The following FAM193A variants were observed in gnomAD, a reference collection of about 807,000 sequenced individuals.
FAM193A encodes protein FAM193A.
In FAM193A, 22 loss-of-function variants were observed where a neutral mutation model predicts 126.5. The ratio of observed to expected loss-of-function variants is 0.17; its 90% CI spans 0.12 to 0.25. The LOEUF (loss-of-function observed/expected upper bound fraction) is 0.25. Among genes scored for constraint, FAM193A ranks in the 10% least tolerant of loss-of-function variants. The pLI is 1.00. For missense variants in FAM193A, 1,675 were observed against 1,672.8 expected (o/e 1.00, Z -0.02); for synonymous variants, 761 against 646.8 (o/e 1.18, Z -2.68).
rs747943112 is a variant in FAM193A, at chr4:2,659,575, A to C, written c.1407A>C (p.Ala469=). The part of the protein sequence containing the change: ...FIEEQLTNKK[A]VTGENNFTDT... ...TCCTCTAGTTAACCAATAAGAAAGC[A>C]GTTACTGGCGAGAACAACTTCACAG... The change falls in exon 9 of 21, where the codon GCA becomes GCC. Residue 469 remains alanine (A), a synonymous_variant. Transcript: ENST00000637812. 1 of 1,613,546 alleles carries C rather than the reference A, an allele frequency of 6.2e-7. No homozygotes were observed. The highest frequency in any genetic ancestry group is 1.1e-5 in the South Asian group (1 of 91,074).
At chr4:2,628,894 C>T (rs374686501) in intron 4 of FAM193A, among the ~76,000 whole-genome samples, 6 of 151,020 alleles carry the variant, frequency 4.0e-5, no homozygotes, top group South Asian at 2.1e-4. Context: ...GCTCTGTCAC[C>T]CAGGGTGGAG....
intron 1 of FAM193A, among the ~76,000 whole-genome samples, chr4:2,577,215 A>G (rs1462520370): frequency 6.6e-6 from 1 of 151,998 alleles, no homozygotes; most frequent in Non-Finnish European, 1.5e-5. Context: ...ATCATACCTT[A>G]TAAGATATTT....
intron 20 of FAM193A, 104 bp from the exon 21 acceptor site, chr4:2,731,671 G>A (rs538666254): frequency 7.2e-5 from 60 of 833,258 alleles, no homozygotes; most frequent in South Asian, 2.9e-4. Context: ...CCCTGACCCC[G>A]CAGTGAGTTT....
At chr4:2,542,481 G>A (rs1211969798) in intron 1 of FAM193A, among the ~76,000 whole-genome samples, 6 of 152,164 alleles carry the variant, frequency 3.9e-5, no homozygotes, top group African/African-American at 1.4e-4. Context: ...TAGTTTTTAA[G>A]TTTCTTTGTA....
rs376285353 is a variant in FAM193A at position 2,726,128 on chromosome 4, C to T, written c.4455-5647C>T. Among the ~76,000 whole-genome samples the T allele has an allele frequency of 5.0e-4, 76 of 152,012 alleles. 1 individual carries two copies. The highest frequency in any genetic ancestry group is 3.4e-3 in the Middle Eastern group (1 of 294). Reference sequence around the variant, plus strand: ...GTTAGCCAGGATGGTCTCGATCTCCCGACCTCGTGATCCGCCCATCTCAGC... The same window carrying T: ...GTTAGCCAGGATGGTCTCGATCTCCTGACCTCGTGATCCGCCCATCTCAGC... On this transcript the variant is annotated intron_variant, in intron 20 of 20. Coordinates refer to ENST00000637812, the MANE Select transcript of FAM193A (RefSeq NM_001366318.2).
intron 16 of FAM193A, among the ~76,000 whole-genome samples, chr4:2,694,707 G>T (rs890197362): frequency 1.3e-5 from 2 of 152,198 alleles, no homozygotes; most frequent in African/African-American, 4.8e-5. Flanking sequence ...ACGTGTTCCT[G>T]TTCAGTGGCG....
chr4:2,625,916 G>A (rs1166580816), intron 3 of FAM193A, among the ~76,000 whole-genome samples: 2 of 152,010 alleles, frequency 1.3e-5, no homozygotes, highest in African/African-American at 4.8e-5. Flanking sequence ...TAGAGATGGG[G>A]CTTCGCCATG....
chr4:2,693,886 C>T lies in FAM193A; in HGVS notation c.3092+12C>T, dbSNP rs776830944. On this transcript the variant is annotated intron_variant, in intron 16 of 20. Transcript: ENST00000637812. ...CCAAGTGTCTGCAGGTGAGCCAAGT[C>T]CTGACTGGGGACGTGGGAGCACTTT... is the stretch of plus-strand genomic sequence containing the variant. The T allele has an allele frequency of 6.2e-7, 1 of 1,608,936 alleles. No homozygotes were observed. Among genetic ancestry groups the T allele is most frequent in the Admixed American group, 1.7e-5 (1 of 59,802 alleles).
chr4:2,632,444 T>G (rs1743687847), intron 5 of FAM193A, among the ~76,000 whole-genome samples: 1 of 152,114 alleles, frequency 6.6e-6, no homozygotes, highest in African/African-American at 2.4e-5. Context: ...TGATGACGCA[T>G]GCTACTCAAG....
At chr4:2,680,272 TTTTCA>T (rs1346765083) in intron 13 of FAM193A, among the ~76,000 whole-genome samples, 8 of 152,228 alleles carry the variant, frequency 5.3e-5, no homozygotes, top group African/African-American at 1.7e-4. Flanking sequence ...TCTAAAAATT[TTTTCA>T]TTTCATCTGT....
At chr4:2,593,084 A>G (rs1412289708) in intron 1 of FAM193A, among the ~76,000 whole-genome samples, 2 of 152,178 alleles carry the variant, frequency 1.3e-5, no homozygotes. Flanking sequence ...CCTATGGCCC[A>G]TGACGAAGCT....
At chr4:2,616,362 A>G (rs1742185608) in intron 2 of FAM193A, among the ~76,000 whole-genome samples, 1 of 151,634 alleles carries the variant, frequency 6.6e-6, no homozygotes, top group South Asian at 2.1e-4. Context: ...TTTCTTTTTA[A>G]CCTGTCTTTA....
At chr4:2,565,254 CTTTTTTTTT>C (rs71644338) in intron 1 of FAM193A, among the ~76,000 whole-genome samples, 2 of 50,674 alleles carry the variant, frequency 3.9e-5, no homozygotes, top group South Asian at 1.3e-3. Flanking sequence ...ATAGAGTAGC[CTTTTTTTTT>C]TTTTTTTTTT....
At chr4:2,701,080 A>G (rs12503424) in intron 19 of FAM193A, among the ~76,000 whole-genome samples, 48,932 of 151,332 alleles carry the variant, frequency 0.32, 9,308 homozygotes, top group Admixed American at 0.52. Flanking sequence ...TCTCTCTCTT[A>G]TTTTTCTGGA....
At chr4:2,720,824 A>C (rs1720057425) in intron 20 of FAM193A, among the ~76,000 whole-genome samples, 1 of 152,216 alleles carries the variant, frequency 6.6e-6, no homozygotes. Flanking sequence ...AAAACATTAA[A>C]GAAGATCTAA....
intron 7 of FAM193A, among the ~76,000 whole-genome samples, chr4:2,653,189 C>T (rs1023070469): frequency 1.3e-5 from 2 of 152,110 alleles, no homozygotes; most frequent in African/African-American, 4.8e-5. Flanking sequence ...CTGAAAAATC[C>T]TTTGGGAATA....
At chr4:2,691,009 G>C (rs770570394) in intron 15 of FAM193A, 39 bp downstream of exon 15, 1 of 1,573,494 alleles carries the variant, frequency 6.4e-7, no homozygotes, top group South Asian at 1.2e-5. Flanking sequence ...GGGTCTGCAG[G>C]AAGGCTGGGC....
chr4:2,597,211 T>C (rs1740915157), intron 2 of FAM193A, among the ~76,000 whole-genome samples: 2 of 152,224 alleles, frequency 1.3e-5, no homozygotes, highest in African/African-American at 4.8e-5. Flanking sequence ...CCCGCTTTCC[T>C]GCTGTAATTC....
intron 1 of FAM193A, among the ~76,000 whole-genome samples, chr4:2,568,813 C>T (rs1739117187): frequency 6.6e-6 from 1 of 152,086 alleles, no homozygotes; most frequent in Non-Finnish European, 1.5e-5. Flanking sequence ...AATTTAGTTA[C>T]TTCTGATTCT....
Sources: gnomAD v4.1 joint callset for allele counts (sites outside exome capture counted in the v4.1 genomes callset) on GRCh38, gnomAD v4.1.1 for gene constraint, MANE v1.5 for transcripts, NCBI Gene and HGNC (gene_info 2026-07-23, HGNC 2026-07-21) for gene names.